The following RFC1 variants were observed in gnomAD, a reference collection of about 807,000 sequenced individuals.
The protein encoded by RFC1 is A1 140 kDa subunit.
In RFC1, 37 loss-of-function variants were observed where a neutral mutation model predicts 137.4. The observed-to-expected ratio is 0.27, with a 90% CI of 0.21 to 0.35. RFC1 has a LOEUF of 0.35. Among genes scored for constraint, RFC1 ranks in the 10% least tolerant of loss-of-function variants. The pLI, the probability that RFC1 is intolerant of heterozygous loss-of-function variation, is 1.00. For missense variants in RFC1, 1,205 were observed against 1,358.5 expected (o/e 0.89, Z 1.78); for synonymous variants, 429 against 455.7 (o/e 0.94, Z 0.75).
intron 4 of RFC1, among the ~76,000 whole-genome samples, chr4:39,333,532 G>A (rs891228541): frequency 1.1e-4 from 16 of 151,238 alleles, no homozygotes; most frequent in African/African-American, 3.9e-4. Context: ...ATGGACTCAT[G>A]AAGCCATCAA....
intron 21 of RFC1, among the ~76,000 whole-genome samples, chr4:39,299,772 G>A (rs138253894): frequency 2.0e-5 from 3 of 152,096 alleles, no homozygotes; most frequent in East Asian, 3.9e-4. Context: ...AGGATTAGCT[G>A]GGTATGGTGG....
intron 10 of RFC1, 82 bp from the exon 11 acceptor site, chr4:39,313,013 T>A: frequency 8.6e-7 from 1 of 1,160,482 alleles, no homozygotes; most frequent in Non-Finnish European, 1.2e-6. Flanking sequence ...CTGCAGGAAG[T>A]TGATTTTTCT....
intron 4 of RFC1, among the ~76,000 whole-genome samples, chr4:39,330,205 C>T (rs1344693344): frequency 6.6e-6 from 1 of 151,966 alleles, no homozygotes; most frequent in Non-Finnish European, 1.5e-5. Flanking sequence ...GCCTTACGTC[C>T]CAGGCACTGT....
At chr4:39,366,093 T>C in intron 1 of RFC1, 146 bp downstream of exon 1, 1 of 836,248 alleles carries the variant, frequency 1.2e-6, no homozygotes, top group Non-Finnish European at 1.7e-6. Flanking sequence ...CAGTGCCCGG[T>C]GTGCGGCCCC....
intron 15 of RFC1, among the ~76,000 whole-genome samples, chr4:39,304,246 A>G (rs1738519670): frequency 6.6e-6 from 1 of 152,226 alleles, no homozygotes; most frequent in Admixed American, 6.5e-5. Flanking sequence ...ATAGAGGACC[A>G]CTAGCTACAA....
Position 39,294,275 on chromosome 4 carries a change from T to C in RFC1, c.2954+1339A>G, listed in dbSNP as rs573449130. On this transcript the variant is annotated intron_variant, in intron 22 of 24. Coordinates refer to ENST00000349703, the MANE Select transcript of RFC1 (RefSeq NM_002913.5). ...AACAGAAAAAAGGAACTAGCTCAGG[T>C]CAGCTCTAACCAAAACTTAAAAGTG... Among the ~76,000 whole-genome samples, 5 of 152,296 alleles carry C rather than the reference T, an allele frequency of 3.3e-5. 1 individual carries two copies. The South Asian group carries it at 1.0e-3, about 32-fold the overall frequency.
chr4:39,342,521 G>A, intron 3 of RFC1, 54 bp from the exon 4 acceptor site: 3 of 1,562,228 alleles, frequency 1.9e-6, no homozygotes, highest in Non-Finnish European at 2.6e-6. Flanking sequence ...TTATAATATA[G>A]TGCATGTTTA....
At chr4:39,333,491 A>G (rs1473762775) in intron 4 of RFC1, among the ~76,000 whole-genome samples, 1 of 152,054 alleles carries the variant, frequency 6.6e-6, no homozygotes, top group East Asian at 1.9e-4. Context: ...AATCGGGGAA[A>G]TTTTTATATA....
intron 11 of RFC1, among the ~76,000 whole-genome samples, chr4:39,312,018 C>T (rs1045770520): frequency 3.3e-5 from 5 of 152,242 alleles, no homozygotes; most frequent in African/African-American, 1.2e-4. Flanking sequence ...ACCTCCCATA[C>T]AGCTCTGAGT....
chr4:39,319,399 C>G (rs1739403472), intron 9 of RFC1, among the ~76,000 whole-genome samples: 1 of 152,214 alleles, frequency 6.6e-6, no homozygotes, highest in African/African-American at 2.4e-5. Context: ...TAAACTCTTT[C>G]AGCCTGTTTC....
chr4:39,329,376 G>C (rs913861453), intron 4 of RFC1, among the ~76,000 whole-genome samples: 2 of 151,566 alleles, frequency 1.3e-5, no homozygotes, highest in Admixed American at 6.6e-5. Context: ...GATCACTTCA[G>C]GTCAGGAGTT....
chr4:39,320,954 C>T (rs1206815914), intron 8 of RFC1, among the ~76,000 whole-genome samples: 1 of 152,146 alleles, frequency 6.6e-6, no homozygotes, highest in Non-Finnish European at 1.5e-5. Flanking sequence ...TATGAGTCAA[C>T]TCTGAGACTA....
rs996952082 is a variant in RFC1 at position 39,287,660 on chromosome 4, A to C, written c.*1101T>G. The C allele has an allele frequency of 1.3e-5, 2 of 152,206 alleles. No homozygotes were observed. Among genetic ancestry groups the C allele is most frequent in the Admixed American group, 1.3e-4 (2 of 15,278 alleles). 9.4% of individuals were successfully genotyped at this position (152,206 alleles called of 1,614,324 possible). ...ACAGAGGTAGCACAGACCTCTGAGC[A>C]TTTACCAACAAGATTAAAAAATAGC... On this transcript the variant is annotated 3_prime_UTR_variant, in exon 25 of 25. Transcript: ENST00000349703.
At chr4:39,293,676 C>A (rs1320216446) in intron 22 of RFC1, among the ~76,000 whole-genome samples, 1 of 151,772 alleles carries the variant, frequency 6.6e-6, no homozygotes, top group African/African-American at 2.4e-5. Context: ...GGCCGCAGTT[C>A]CCACCCCCAA....
At chr4:39,332,825 T>G (rs929011608) in intron 4 of RFC1, among the ~76,000 whole-genome samples, 1 of 152,168 alleles carries the variant, frequency 6.6e-6, no homozygotes, top group African/African-American at 2.4e-5. Flanking sequence ...AAGATTAAAT[T>G]TTTCTTGAAG....
chr4:39,297,625 G>A (rs1252161541), intron 21 of RFC1: 2 of 152,296 alleles, frequency 1.3e-5, no homozygotes, highest in African/African-American at 4.8e-5. Flanking sequence ...AACGCTTCAC[G>A]AATTTGCGTG....
chr4:39,294,866 C>T (rs1432654978), intron 22 of RFC1, among the ~76,000 whole-genome samples: 1 of 151,962 alleles, frequency 6.6e-6, no homozygotes, highest in East Asian at 1.9e-4. Flanking sequence ...TAGCCGGACA[C>T]GGTGGCGTGC....
At chr4:39,302,646 G>A in intron 17 of RFC1, 51 bp from the exon 18 acceptor site, 4 of 1,482,508 alleles carry the variant, frequency 2.7e-6, no homozygotes, top group South Asian at 1.3e-5. Context: ...CATATAATCA[G>A]GTATTTTAAA....
intron 6 of RFC1, among the ~76,000 whole-genome samples, chr4:39,324,003 A>C (rs1413813867): frequency 6.6e-6 from 1 of 152,202 alleles, no homozygotes; most frequent in Non-Finnish European, 1.5e-5. Flanking sequence ...CTAATGTAAC[A>C]CAGAGACATT....
Sources: gnomAD v4.1 joint callset for allele counts (sites outside exome capture counted in the v4.1 genomes callset) on GRCh38, gnomAD v4.1.1 for gene constraint, MANE v1.5 for transcripts, NCBI Gene and HGNC (gene_info 2026-07-23, HGNC 2026-07-21) for gene names.